DOCK3: variants seen among roughly 807,000 people sequenced by gnomAD.
The protein encoded by DOCK3 is dedicator of cytokinesis 3, also known as dedicator of cytokinesis protein 3.
A neutral mutation model predicts 265.6 loss-of-function variants in DOCK3; 60 were observed. The observed-to-expected ratio is 0.23, with a 90% CI of 0.18 to 0.28. The LOEUF (loss-of-function observed/expected upper bound fraction) is 0.28, where lower values mean the gene tolerates loss of function less well. Ranked by LOEUF, DOCK3 falls within the 10% of genes least tolerant of loss-of-function variation. DOCK3 has a pLI of 1.00. For synonymous variants in DOCK3, 881 were observed against 938.0 expected (o/e 0.94, Z 1.11); for missense variants, 1,981 against 2,594.3 (o/e 0.76, Z 5.14).
chr3:51,174,500 A>C (rs1454225389), intron 12 of DOCK3, among the ~76,000 whole-genome samples: 1 of 119,350 alleles, frequency 8.4e-6, no homozygotes, highest in Non-Finnish European at 1.7e-5. Flanking sequence ...ATAAATAAAT[A>C]ACTTCTCATT....
intron 9 of DOCK3, among the ~76,000 whole-genome samples, chr3:51,098,877 A>T (rs2082972443): frequency 6.6e-6 from 1 of 152,148 alleles, no homozygotes; most frequent in Non-Finnish European, 1.5e-5. Flanking sequence ...CTGGTCTGTC[A>T]TTGTCAGTAT....
intron 12 of DOCK3, among the ~76,000 whole-genome samples, chr3:51,182,512 A>C (rs2087360168): frequency 6.6e-6 from 1 of 152,208 alleles, no homozygotes; most frequent in African/African-American, 2.4e-5. Flanking sequence ...CAGGTTCCCC[A>C]TAAGAAGCCA....
chr3:51,218,153 G>A (rs2089892673), intron 14 of DOCK3, among the ~76,000 whole-genome samples: 1 of 151,234 alleles, frequency 6.6e-6, no homozygotes, highest in Non-Finnish European at 1.5e-5. Context: ...CTCTTGCTCG[G>A]TCAGGCACAG....
At chr3:51,362,818 G>C (rs1402687898) in intron 49 of DOCK3, 144 bp downstream of exon 49, 7 of 1,248,264 alleles carry the variant, frequency 5.6e-6, no homozygotes, top group Non-Finnish European at 7.6e-6. Context: ...CTAAGGACTC[G>C]AGAGTTCCTG....
At chr3:51,198,975 A>C (rs1461219030) in intron 12 of DOCK3, among the ~76,000 whole-genome samples, 2 of 151,628 alleles carry the variant, frequency 1.3e-5, no homozygotes, top group Non-Finnish European at 2.9e-5. Context: ...GGTTGCAGTG[A>C]CCCGAAGACG....
intron 5 of DOCK3, among the ~76,000 whole-genome samples, chr3:50,937,879 C>G (rs2051473417): frequency 6.6e-6 from 1 of 150,966 alleles, no homozygotes; most frequent in Non-Finnish European, 1.5e-5. Context: ...AAGTAAATAC[C>G]AAAATGGCAG....
intron 2 of DOCK3, among the ~76,000 whole-genome samples, chr3:50,782,579 G>GTT (rs1491047283): frequency 1.4e-4 from 1 of 7,308 alleles, no homozygotes; most frequent in East Asian, 1.2e-3. Context: ...TTTTTTGAGT[G>GTT]TGTGTGTGTG....
intron 12 of DOCK3, 88 bp from the exon 13 acceptor site, chr3:51,208,686 T>C: frequency 9.6e-7 from 1 of 1,037,080 alleles, no homozygotes; most frequent in South Asian, 1.7e-5. Flanking sequence ...GGGATCCTTT[T>C]CCCTTTGAAC....
chr3:50,806,918 A>G (rs1289909751), intron 2 of DOCK3, among the ~76,000 whole-genome samples: 3 of 151,684 alleles, frequency 2.0e-5, no homozygotes, highest in South Asian at 4.1e-4. Flanking sequence ...AACTGGACTC[A>G]GGGGGTGTAA....
At chr3:51,107,026 C>T (rs1285899512) in intron 9 of DOCK3, among the ~76,000 whole-genome samples, 1 of 152,212 alleles carries the variant, frequency 6.6e-6, no homozygotes, top group Non-Finnish European at 1.5e-5. Context: ...AATCTCAAGC[C>T]AGATTTCAAA....
chr3:50,740,694 T>C (rs749347540), intron 1 of DOCK3, among the ~76,000 whole-genome samples: 1 of 152,210 alleles, frequency 6.6e-6, no homozygotes, highest in Non-Finnish European at 1.5e-5. Flanking sequence ...GGTTGTTTTC[T>C]CATTATTGGG....
At chr3:51,281,400 A>G (rs539222980) in intron 27 of DOCK3, among the ~76,000 whole-genome samples, 2 of 151,386 alleles carry the variant, frequency 1.3e-5, no homozygotes, top group Non-Finnish European at 2.9e-5. Context: ...GGGTTAGACA[A>G]GCTTGTTGTC....
chr3:50,751,978 ACCAGGTCTC>A (rs1412443481), intron 1 of DOCK3, among the ~76,000 whole-genome samples: 1 of 152,106 alleles, frequency 6.6e-6, no homozygotes, highest in East Asian at 1.9e-4. Context: ...ATCACCTTCT[ACCAGGTCTC>A]TTCCTAGACA....
chr3:51,275,356 C>G, intron 25 of DOCK3, 150 bp downstream of exon 25: 1 of 1,201,072 alleles, frequency 8.3e-7, no homozygotes, highest in Non-Finnish European at 1.2e-6. Flanking sequence ...TGAATGGAGC[C>G]CTGTGTGTTC....
intron 2 of DOCK3, among the ~76,000 whole-genome samples, chr3:50,837,737 G>T (rs930390985): frequency 1.3e-5 from 2 of 152,170 alleles, no homozygotes; most frequent in Non-Finnish European, 2.9e-5. Flanking sequence ...GCAGAGAACA[G>T]ATGGATATGA....
intron 21 of DOCK3, among the ~76,000 whole-genome samples, chr3:51,239,227 A>ATTTATTTATTTATTTG (rs1553805827): frequency 6.6e-6 from 1 of 151,716 alleles, no homozygotes; most frequent in Non-Finnish European, 1.5e-5. Flanking sequence ...TTATTTATTT[A>ATTTATTTATTTATTTG]GAGACAGAGT....
In DOCK3 at chr3:51,277,820, C is replaced by T. The variant is rs1311928468; in HGVS notation, c.2823+66C>T. On this transcript the variant is annotated intron_variant, in intron 26 of 52. Coordinates refer to ENST00000266037, the MANE Select transcript of DOCK3 (RefSeq NM_004947.5). ...ACCCGGGGCTTCTCCACAACACTCC[C>T]CCTCCATCTTACCATCCCACCACCT... is the stretch of plus-strand genomic sequence containing the variant. The T allele has an allele frequency of 2.6e-6, 4 of 1,557,840 alleles. No homozygotes were observed. The East Asian group carries it at 9.6e-5, about 37-fold the overall frequency.
intron 1 of DOCK3, among the ~76,000 whole-genome samples, chr3:50,740,873 G>A (rs181268145): frequency 2.5e-3 from 383 of 152,078 alleles, no homozygotes; most frequent in African/African-American, 9.0e-3. Context: ...ATTTTTAAAT[G>A]TATAATTCGG....
intron 3 of DOCK3, among the ~76,000 whole-genome samples, chr3:50,884,168 G>A (rs71329017): frequency 0.099 from 15,025 of 151,068 alleles, 923 homozygotes; most frequent in Non-Finnish European, 0.13. Context: ...TCGCCTCACT[G>A]CAAACTCTGC....
Sources: allele counts gnomAD v4.1 joint callset (sites outside exome capture counted in the v4.1 genomes callset), GRCh38; gene constraint gnomAD v4.1.1; transcripts MANE v1.5; gene names NCBI Gene and HGNC (gene_info 2026-07-23, HGNC 2026-07-21).